The following TRIM44 variants were observed in gnomAD, a reference collection of about 807,000 sequenced individuals.
TRIM44 encodes the protein tripartite motif-containing protein 44.
Under a neutral mutation model 37.4 loss-of-function variants are expected in TRIM44, and 13 were observed. That is an observed-to-expected ratio of 0.35 (90% CI 0.23 to 0.55). The LOEUF (loss-of-function observed/expected upper bound fraction) is 0.55, where lower values mean the gene tolerates loss of function less well. Ranked by LOEUF, TRIM44 falls within the 20% of genes least tolerant of loss-of-function variation. The probability of loss-of-function intolerance (pLI) is 0.89; values close to 1 mark genes in which losing one functional copy is unlikely to be tolerated. For synonymous variants in TRIM44, 175 were observed against 157.2 expected (o/e 1.11, Z -0.85); for missense variants, 426 against 437.2 (o/e 0.97, Z 0.23).
intron 2 of TRIM44, among the ~76,000 whole-genome samples, chr11:35,690,634 A>G (rs959221393): frequency 3.3e-5 from 5 of 152,172 alleles, no homozygotes; most frequent in African/African-American, 1.2e-4. Flanking sequence ...GAGTTACTAG[A>G]ATTATTGACC....
At chr11:35,744,578 A>C (rs1852461920) in intron 4 of TRIM44, among the ~76,000 whole-genome samples, 1 of 151,992 alleles carries the variant, frequency 6.6e-6, no homozygotes, top group East Asian at 1.9e-4. Flanking sequence ...TTCAGTGTTT[A>C]AGTTCAGGGG....
chr11:35,780,725 C>A (rs1291502906), intron 4 of TRIM44, among the ~76,000 whole-genome samples: 1 of 152,138 alleles, frequency 6.6e-6, no homozygotes, highest in South Asian at 2.1e-4. Context: ...ATCCCCATCA[C>A]CCCTACACAT....
At chr11:35,713,996 G>A (rs1852008948) in intron 2 of TRIM44, among the ~76,000 whole-genome samples, 1 of 152,068 alleles carries the variant, frequency 6.6e-6, no homozygotes, top group Non-Finnish European at 1.5e-5. Context: ...GACACCTTGT[G>A]GCCATTTATT....
chr11:35,752,741 C>G (rs1356934347), intron 4 of TRIM44, among the ~76,000 whole-genome samples: 1 of 152,102 alleles, frequency 6.6e-6, no homozygotes. Context: ...ATGTCAGGGC[C>G]TTTGTGCTCA....
chr11:35,720,283 T>C (rs1852085136), intron 2 of TRIM44, among the ~76,000 whole-genome samples: 1 of 152,196 alleles, frequency 6.6e-6, no homozygotes, highest in African/African-American at 2.4e-5. Context: ...TTTTTGGAGG[T>C]GCTAATGTAA....
At chr11:35,805,636 A>T (rs1003651982) in intron 4 of TRIM44, among the ~76,000 whole-genome samples, 12 of 152,172 alleles carry the variant, frequency 7.9e-5, no homozygotes, top group Non-Finnish European at 1.5e-4. Context: ...TTTAAAAACC[A>T]ATTATTTATT....
intron 2 of TRIM44, among the ~76,000 whole-genome samples, chr11:35,700,564 C>T (rs558287538): frequency 2.0e-5 from 3 of 152,196 alleles, no homozygotes; most frequent in African/African-American, 7.2e-5. Context: ...CATTTCCTTT[C>T]ATGAATCCTT....
chr11:35,720,151 G>C (rs1218896526), intron 2 of TRIM44, among the ~76,000 whole-genome samples: 2 of 152,088 alleles, frequency 1.3e-5, no homozygotes, highest in East Asian at 3.9e-4. Context: ...TGACAATATT[G>C]AGCCTTTTTC....
At chr11:35,720,078 CTT>C (rs1326660596) in intron 2 of TRIM44, among the ~76,000 whole-genome samples, 2 of 152,160 alleles carry the variant, frequency 1.3e-5, no homozygotes, top group Non-Finnish European at 2.9e-5. Context: ...CACAAAATAA[CTT>C]GCTAGGATTT....
intron 2 of TRIM44, among the ~76,000 whole-genome samples, chr11:35,686,367 TG>T (rs200378059): frequency 1.3e-4 from 19 of 148,394 alleles, no homozygotes; most frequent in African/African-American, 3.6e-4. Flanking sequence ...TTTTTGTTTT[TG>T]TTTTTGTTTT....
At chr11:35,775,227 A>T (rs1277246882) in intron 4 of TRIM44, among the ~76,000 whole-genome samples, 1 of 152,136 alleles carries the variant, frequency 6.6e-6, no homozygotes, top group Admixed American at 6.6e-5. Flanking sequence ...TTCTCTTTGA[A>T]GCAATTGTGA....
chr11:35,714,277 C>T (rs1852011559), intron 2 of TRIM44, among the ~76,000 whole-genome samples: 1 of 151,944 alleles, frequency 6.6e-6, no homozygotes, highest in Non-Finnish European at 1.5e-5. Context: ...CCCGGAGAGC[C>T]CTAAGTGCTT....
At chr11:35,742,485 G>T (rs1187318926) in intron 4 of TRIM44, among the ~76,000 whole-genome samples, 3 of 124,382 alleles carry the variant, frequency 2.4e-5, no homozygotes, top group Admixed American at 8.9e-5. Context: ...TATATTAATT[G>T]TATTATATAT....
intron 4 of TRIM44, among the ~76,000 whole-genome samples, chr11:35,798,266 TC>T (rs2133882048): frequency 6.6e-6 from 1 of 152,354 alleles, no homozygotes; most frequent in East Asian, 1.9e-4. Context: ...TTGTTGTCTG[TC>T]CTTTGTGAGG....
intron 4 of TRIM44, among the ~76,000 whole-genome samples, chr11:35,779,122 T>A (rs1279674542): frequency 6.6e-6 from 1 of 152,190 alleles, no homozygotes; most frequent in Admixed American, 6.5e-5. Flanking sequence ...CTGCTTTGTT[T>A]GCCACTCAAG....
chr11:35,755,922 T>G (rs1294143503), intron 4 of TRIM44, among the ~76,000 whole-genome samples: 1 of 152,104 alleles, frequency 6.6e-6, no homozygotes, highest in Non-Finnish European at 1.5e-5. Context: ...GTAGTATAGT[T>G]TGAAGTCAGG....
At chr11:35,805,390 C>T (rs1375763975) in intron 4 of TRIM44, among the ~76,000 whole-genome samples, 2 of 152,140 alleles carry the variant, frequency 1.3e-5, no homozygotes, top group Non-Finnish European at 2.9e-5. Flanking sequence ...CAGGCTCTAC[C>T]TTCTCCTTGC....
intron 4 of TRIM44, among the ~76,000 whole-genome samples, chr11:35,756,820 G>T (rs891954037): frequency 4.4e-4 from 67 of 152,158 alleles, no homozygotes; most frequent in African/African-American, 1.6e-3. Context: ...ATTGATGTGC[G>T]TATGTGGAAC....
chr11:35,707,353 G>C (rs1590527783), intron 2 of TRIM44, among the ~76,000 whole-genome samples: 1 of 152,234 alleles, frequency 6.6e-6, no homozygotes, highest in East Asian at 1.9e-4. Flanking sequence ...GTAATTTATA[G>C]ATTCAATGCC....
Sources: allele counts gnomAD v4.1 joint callset (sites outside exome capture counted in the v4.1 genomes callset), GRCh38; gene constraint gnomAD v4.1.1; transcripts MANE v1.5; gene names NCBI Gene and HGNC (gene_info 2026-07-23, HGNC 2026-07-21).